Variants in SLC7A13 observed in about 807,000 individuals in gnomAD.
SLC7A13 encodes the protein X-amino acid transporter 2.
In SLC7A13, 31 loss-of-function variants were observed where a neutral mutation model predicts 32.0. The observed-to-expected ratio is 0.97, with a 90% CI of 0.73 to 1.31. The LOEUF is 1.31. Among genes scored for constraint, SLC7A13 ranks in the 50% most tolerant of loss-of-function variants. The probability of loss-of-function intolerance (pLI) is 0.00; values close to 1 mark genes in which losing one functional copy is unlikely to be tolerated. For synonymous variants in SLC7A13, 232 were observed against 206.9 expected (o/e 1.12, Z -1.04); for missense variants, 633 against 546.9 (o/e 1.16, Z -1.57).
At chr8:86,223,209 C>G (rs1344143326) in intron 1 of SLC7A13, 106 bp from the exon 2 acceptor site, 2 of 1,140,582 alleles carry the variant, frequency 1.8e-6, no homozygotes, top group Non-Finnish European at 2.4e-6. Context: ...GGGGTACAAG[C>G]ATGATTTTAT....
At chr8:86,217,074 A>T (rs979279176) in intron 3 of SLC7A13, among the ~76,000 whole-genome samples, 2 of 152,224 alleles carry the variant, frequency 1.3e-5, no homozygotes, top group Admixed American at 6.6e-5. Flanking sequence ...CTGATGTTTC[A>T]GAACAGTAGA....
chr8:86,229,519 C>G (rs1820444963), intron 1 of SLC7A13, 74 bp downstream of exon 1: 1 of 1,285,110 alleles, frequency 7.8e-7, no homozygotes, highest in Admixed American at 2.1e-5. Context: ...ACTCAAAATA[C>G]AACAAATGAT....
intron 3 of SLC7A13, among the ~76,000 whole-genome samples, chr8:86,215,272 T>C (rs1361516163): frequency 6.6e-6 from 1 of 152,054 alleles, no homozygotes; most frequent in Non-Finnish European, 1.5e-5. Flanking sequence ...AGGGAGAAAA[T>C]CGATATAAGA....
Position 86,216,292 on chromosome 8 carries a change from G to A in SLC7A13, c.1179+1178C>T, listed in dbSNP as rs78971407. ...TAGGCAGGCACCTCCAAGGGGGACTGTGGCCATCAGCCCTGCTCTAGATTA... is the reference window on the plus strand; with the variant it reads ...TAGGCAGGCACCTCCAAGGGGGACTATGGCCATCAGCCCTGCTCTAGATTA... On this transcript the variant is annotated intron_variant, in intron 3 of 3. Coordinates refer to ENST00000297524, the MANE Select transcript of SLC7A13 (RefSeq NM_138817.3). 1.1e-3 allele frequency among the ~76,000 whole-genome samples: 162 copies of A among 152,308 alleles called. 1 individual carries two copies. The highest frequency in any genetic ancestry group is 3.7e-3 in the African/African-American group (153 of 41,576).
chr8:86,215,800 A>G (rs1481921787), intron 3 of SLC7A13: 1 of 301,160 alleles, frequency 3.3e-6, no homozygotes, highest in Non-Finnish European at 6.6e-6. Flanking sequence ...TAACTGAGAG[A>G]AAAGAAAAGA....
chr8:86,218,641 A>T (rs1046008819), intron 2 of SLC7A13, among the ~76,000 whole-genome samples: 37 of 152,014 alleles, frequency 2.4e-4, no homozygotes, highest in African/African-American at 8.0e-4. Flanking sequence ...ACTAACCATT[A>T]GAGAATATTC....
At chr8:86,214,725 G>T (rs1820148751) in intron 3 of SLC7A13, 79 bp from the exon 4 acceptor site, 1 of 1,044,954 alleles carries the variant, frequency 9.6e-7, no homozygotes, top group East Asian at 2.6e-5. Flanking sequence ...AAATAAAAAT[G>T]CAAAGATACA....
At chr8:86,220,992 C>CA (rs35169757) in intron 2 of SLC7A13, among the ~76,000 whole-genome samples, 21,955 of 108,336 alleles carry the variant, frequency 0.2, 2,026 homozygotes, top group East Asian at 0.37. Flanking sequence ...GACTCTGTTT[C>CA]AAAAAAAAAA....
chr8:86,223,603 G>A (rs554854485), intron 1 of SLC7A13, among the ~76,000 whole-genome samples: 2 of 151,642 alleles, frequency 1.3e-5, no homozygotes, highest in African/African-American at 4.8e-5. Context: ...ATTTTCTTTT[G>A]GGGAGATACC....
chr8:86,217,373 G>C, intron 3 of SLC7A13, 97 bp downstream of exon 3: 1 of 1,143,978 alleles, frequency 8.7e-7, no homozygotes, highest in Non-Finnish European at 1.2e-6. Context: ...TGAGTATTCA[G>C]AAGATCTACT....
chr8:86,226,149 T>C (rs899847646), intron 1 of SLC7A13, among the ~76,000 whole-genome samples: 2 of 152,178 alleles, frequency 1.3e-5, no homozygotes, highest in Non-Finnish European at 2.9e-5. Flanking sequence ...TCTGTAAGTA[T>C]ATTTTCAGCT....
intron 3 of SLC7A13, chr8:86,215,701 A>T (rs1206562473): frequency 2.2e-6 from 1 of 447,310 alleles, no homozygotes; most frequent in African/African-American, 2.0e-5. Context: ...GTCTCAAAAA[A>T]AAGAAAAAAC....
Position 86,230,062 on chromosome 8 carries a change from T to C in SLC7A13, c.216A>G (p.Ile72Met), listed in dbSNP as rs149833283. 1,005 of 1,614,148 alleles carry C rather than the reference T, an allele frequency of 6.2e-4. 7 individuals are homozygous for C. In the African/African-American group the frequency reaches 0.012, roughly 19 times the overall value. The change falls in exon 1 of 4, where the codon ATA becomes ATG. Residue 72 changes from isoleucine (I) to methionine (M), a missense_variant. Coordinates refer to ENST00000297524, the MANE Select transcript of SLC7A13 (RefSeq NM_138817.3). ...ATTGAGCTCCACTGCATGGGAAGCT[T>C]ATACTTATCTCTGCAGAGCAAAGAG... Reference protein sequence around the residue: ...TSTLCSAEISISFPCSGAQYY... With the variant: ...TSTLCSAEISMSFPCSGAQYY...
At position 86,217,644 on chromosome 8, in the gene SLC7A13, A is replaced by G; in HGVS notation, c.1005T>C (p.Ser335=). The G allele has an allele frequency of 6.2e-7, 1 of 1,613,504 alleles. No individual in the cohort carries two copies. The highest frequency in any genetic ancestry group is 8.5e-7 in the Non-Finnish European group (1 of 1,179,618). The change falls in exon 3 of 4, where the codon TCT becomes TCC. Residue 335 remains serine, a synonymous_variant. Coordinates refer to ENST00000297524, the MANE Select transcript of SLC7A13 (RefSeq NM_138817.3). ...LLFNTLNSHS[S]PFTAVLLLVT... ...CAAGTAGTAGCACAGCTGTAAATGG[A>G]GAAGAGTGACTATTAAGTGTATTAA...
Position 86,217,694 on chromosome 8 carries a change from G to T in SLC7A13, c.955C>A (p.Gln319Lys). The T allele has an allele frequency of 1.2e-6, 2 of 1,613,470 alleles. No individual in the cohort carries two copies. Among genetic ancestry groups the T allele is most frequent in the African/African-American group, 2.7e-5 (2 of 74,944 alleles). ...AATAGCAAAGGCAGCTGGCCCTCTT[G>T]GCTTGCAAGATATATTGGTCTCGAT... is the stretch of plus-strand genomic sequence containing the variant. ...KSSRPIYLAS[Q>K]EGQLPLLFNT... The change falls in exon 3 of 4, where the codon CAA becomes AAA. Residue 319 changes from glutamine to lysine, a missense_variant. Transcript: ENST00000297524.
rs191293586 is a variant in SLC7A13 at position 86,227,398 on chromosome 8, A to C, written c.685+2195T>G. Among the ~76,000 whole-genome samples the C allele has an allele frequency of 7.0e-3, 1,071 of 152,348 alleles. 6 individuals carry two copies. Among genetic ancestry groups the C allele is most frequent in the South Asian group, 0.013 (62 of 4,828 alleles). Reference sequence around the variant, plus strand: ...CTTAAGGGGATGGGAGGGAAAAGATAAAGAATTCAAGGGAAAAGACCAACT... The same window carrying C: ...CTTAAGGGGATGGGAGGGAAAAGATCAAGAATTCAAGGGAAAAGACCAACT... On this transcript the variant is annotated intron_variant, in intron 1 of 3. Transcript: ENST00000297524.
Position 86,214,502 on chromosome 8 carries a change from A to C in SLC7A13, c.1324T>G (p.Phe442Val). 6.2e-7 allele frequency: 1 copy of C among 1,612,678 alleles called. No homozygotes were observed. Among genetic ancestry groups the C allele is most frequent in the Non-Finnish European group, 8.5e-7 (1 of 1,179,218 alleles). The change falls in exon 4 of 4, where the codon TTT (phenylalanine) becomes GTT (valine). Residue 442 changes from phenylalanine (F) to valine (V), a missense_variant. By Grantham distance (50) the Phe-to-Val change is conservative. Coordinates refer to ENST00000297524, the MANE Select transcript of SLC7A13 (RefSeq NM_138817.3). ...TCAAACCAAGCCAATCTTATTTTAAAATGTATTAAAGGTATGTAAAATAGT... is the reference window on the plus strand; with the variant it reads ...TCAAACCAAGCCAATCTTATTTTAACATGTATTAAAGGTATGTAAAATAGT... ...GLLFYIPLIH[F>V]KIRLAWFEKM...
chr8:86,215,905 A>G lies in SLC7A13; in HGVS notation c.1180-1259T>C, dbSNP rs558570641. On this transcript the variant is annotated intron_variant, in intron 3 of 3. Transcript: ENST00000297524. The stretch of plus-strand genomic sequence containing the variant: ...ATGCAAATGTAAGTTGAATAATAAT[A>G]TAAGCAATAATAGCCATCAATGTCA... 7.9e-5 allele frequency among the ~76,000 whole-genome samples: 12 copies of G among 152,264 alleles called. No individual in the cohort carries two copies. The South Asian group carries it at 8.3e-4, about 11-fold the overall frequency.
Position 86,214,103 on chromosome 8 carries a change from C to A in SLC7A13, c.*310G>T. On this transcript the variant is annotated 3_prime_UTR_variant, in exon 4 of 4. Transcript: ENST00000297524. ...TTTTATTATAGGATCCCCACAAATT[C>A]AGTAGAAAAGGGGTGGGATACAGAA... The A allele has an allele frequency of 5.1e-6, 1 of 196,210 alleles. No homozygotes were observed. 12.2% of individuals were successfully genotyped at this position (196,210 alleles called of 1,614,324 possible). A position where few individuals can be genotyped will look rare whatever the true frequency, so the allele number is the denominator to read the frequency against.
Sources: gnomAD v4.1 joint callset for allele counts (sites outside exome capture counted in the v4.1 genomes callset) on GRCh38, gnomAD v4.1.1 for gene constraint, MANE v1.5 for transcripts, NCBI Gene and HGNC (gene_info 2026-07-23, HGNC 2026-07-21) for gene names.